CCDC178: variants seen among roughly 807,000 people sequenced by gnomAD.
The protein encoded by CCDC178 is coiled-coil domain-containing protein 178.
A neutral mutation model predicts 117.4 loss-of-function variants in CCDC178; 126 were observed. The ratio of observed to expected loss-of-function variants is 1.07; its 90% CI spans 0.93 to 1.24. CCDC178 has a LOEUF of 1.24. Among genes scored for constraint, CCDC178 ranks in the 50% most tolerant of loss-of-function variants. CCDC178 has a pLI of 0.00. For missense variants in CCDC178, 1,030 were observed against 986.9 expected, an observed-to-expected ratio of 1.04 and a Z score of -0.59; for synonymous variants, 283 against 313.4, an observed-to-expected ratio of 0.90 and a Z score of 1.02.
At chr18:32,984,327 T>C (rs939719993) in intron 21 of CCDC178, among the ~76,000 whole-genome samples, 1 of 151,916 alleles carries the variant, frequency 6.6e-6, no homozygotes, top group Non-Finnish European at 1.5e-5. Flanking sequence ...TACTGAATAG[T>C]TAAAAATCAA....
intron 20 of CCDC178, among the ~76,000 whole-genome samples, chr18:33,109,736 G>A (rs867730843): frequency 0.095 from 14,347 of 151,088 alleles, 865 homozygotes; most frequent in African/African-American, 0.17. Flanking sequence ...ATATTCTCTT[G>A]AGTCGGGTAT....
At chr18:33,226,592 T>C (rs976770777) in intron 16 of CCDC178, among the ~76,000 whole-genome samples, 1 of 152,268 alleles carries the variant, frequency 6.6e-6, no homozygotes, top group African/African-American at 2.4e-5. Flanking sequence ...AAATGAGATA[T>C]GTATATGGGA....
intron 21 of CCDC178, among the ~76,000 whole-genome samples, chr18:33,027,173 A>G (rs73415469): frequency 0.096 from 14,547 of 151,776 alleles, 1,044 homozygotes; most frequent in African/African-American, 0.19. Context: ...GATTTTGACT[A>G]TAAAAAGCCA....
intron 21 of CCDC178, among the ~76,000 whole-genome samples, chr18:33,049,295 C>T (rs2056701556): frequency 4.6e-5 from 7 of 152,152 alleles, no homozygotes; most frequent in Admixed American, 3.3e-4. Context: ...AATAAATCAG[C>T]AATACCCTAT....
chr18:33,146,129 T>A (rs979783818), intron 20 of CCDC178, among the ~76,000 whole-genome samples: 1 of 152,214 alleles, frequency 6.6e-6, no homozygotes, highest in African/African-American at 2.4e-5. Context: ...TATTTGATAA[T>A]GCTACTGCCT....
intron 20 of CCDC178, among the ~76,000 whole-genome samples, chr18:33,108,623 G>T (rs765951499): frequency 1.3e-5 from 2 of 151,360 alleles, no homozygotes; most frequent in Non-Finnish European, 3.0e-5. Context: ...TATTTTAAAG[G>T]TCTATTATTA....
intron 21 of CCDC178, among the ~76,000 whole-genome samples, chr18:33,055,765 A>AACT (rs2056819519): frequency 6.6e-6 from 1 of 151,932 alleles, no homozygotes; most frequent in Non-Finnish European, 1.5e-5. Context: ...ACTCTTATGC[A>AACT]ACTACTATAG....
Position 32,937,945 on chromosome 18 carries a change from T to C in CCDC178, c.*66A>G. ...CAAACAGGTGAATGTCCAATTACAC[T>C]GTTATCTGAACTGTGTGACTTTTCT... On this transcript the variant is annotated 3_prime_UTR_variant, in exon 23 of 23. Transcript: ENST00000383096. The C allele has an allele frequency of 8.1e-7, 1 of 1,235,734 alleles. No individual in the cohort carries two copies. The highest frequency in any genetic ancestry group is 1.2e-6 in the Non-Finnish European group (1 of 839,682). 76.5% of individuals were successfully genotyped at this position (1,235,734 alleles called of 1,614,324 possible). A position where few individuals can be genotyped will look rare whatever the true frequency, so the allele number is the denominator to read the frequency against.
rs543096009 is a variant in CCDC178, at chr18:33,292,966, G to C, written c.1176+193C>G. 3.9e-5 allele frequency among the ~76,000 whole-genome samples: 6 copies of C among 152,152 alleles called. No individual in the cohort carries two copies. The South Asian group carries it at 1.2e-3, about 32-fold the overall frequency. On this transcript the variant is annotated intron_variant, in intron 12 of 22. Transcript: ENST00000383096. The stretch of plus-strand genomic sequence containing the variant: ...GACTTCTGACTTACGAAAAGGTTGA[G>C]ATAATAAATGGGTCCTGTTTCAAGC...
chr18:33,320,030 C>A (rs1361532611), intron 11 of CCDC178, among the ~76,000 whole-genome samples: 4 of 152,194 alleles, frequency 2.6e-5, no homozygotes, highest in South Asian at 4.1e-4. Context: ...AGGCCTTTGA[C>A]AAAATTCAAC....
intron 21 of CCDC178, among the ~76,000 whole-genome samples, chr18:33,037,973 C>A (rs1474585514): frequency 1.3e-5 from 2 of 151,910 alleles, no homozygotes; most frequent in Non-Finnish European, 2.9e-5. Context: ...ATTTGAATTT[C>A]TCTTAATTCT....
chr18:33,382,039 G>T (rs1348250422), intron 5 of CCDC178, among the ~76,000 whole-genome samples: 1 of 152,116 alleles, frequency 6.6e-6, no homozygotes, highest in Non-Finnish European at 1.5e-5. Context: ...ACTATGGGCA[G>T]TAAACTCTAA....
At chr18:33,385,169 T>C (rs2063479570) in intron 5 of CCDC178, among the ~76,000 whole-genome samples, 1 of 152,198 alleles carries the variant, frequency 6.6e-6, no homozygotes, top group Non-Finnish European at 1.5e-5. Flanking sequence ...GAGCTGACTA[T>C]CCTAAATATA....
At chr18:33,303,385 C>T (rs760802375) in intron 11 of CCDC178, among the ~76,000 whole-genome samples, 1 of 152,024 alleles carries the variant, frequency 6.6e-6, no homozygotes, top group Non-Finnish European at 1.5e-5. Flanking sequence ...TTAAGTAGTA[C>T]AGTGCAACTA....
intron 5 of CCDC178, among the ~76,000 whole-genome samples, chr18:33,372,020 T>C (rs1018833320): frequency 1.1e-4 from 17 of 152,126 alleles, no homozygotes; most frequent in Admixed American, 1.1e-3. Flanking sequence ...AGAATAGTAA[T>C]GATTCCTTTT....
chr18:33,276,017 A>G (rs1460131273), intron 12 of CCDC178, among the ~76,000 whole-genome samples: 2 of 95,678 alleles, frequency 2.1e-5, no homozygotes, highest in Non-Finnish European at 4.4e-5. Flanking sequence ...CCCTGTTTCT[A>G]AAGTAAGTGA....
Position 33,208,562 on chromosome 18 carries a change from G to A in CCDC178, c.2238+3334C>T, listed in dbSNP as rs145009107. On this transcript the variant is annotated intron_variant, in intron 20 of 22. Coordinates refer to ENST00000383096, the MANE Select transcript of CCDC178 (RefSeq NM_001105528.4). ...TATAGGGTTTCGGTCATTCAACATTGAGTGCCTTGAATACAGTAATACTCA... is the reference window on the plus strand; with the variant it reads ...TATAGGGTTTCGGTCATTCAACATTAAGTGCCTTGAATACAGTAATACTCA... Among the ~76,000 whole-genome samples the A allele has an allele frequency of 1.2e-3, 190 of 152,112 alleles. 1 individual carries two copies. Among genetic ancestry groups the A allele is most frequent in the African/African-American group, 3.8e-3 (159 of 41,528 alleles).
intron 2 of CCDC178, among the ~76,000 whole-genome samples, chr18:33,421,929 A>AAAAT (rs2064032285): frequency 6.6e-6 from 1 of 152,162 alleles, no homozygotes; most frequent in Admixed American, 6.6e-5. Flanking sequence ...CTCTCTTTTG[A>AAAAT]AAATAATCAC....
At chr18:33,382,037 C>A (rs1236837487) in intron 5 of CCDC178, among the ~76,000 whole-genome samples, 1 of 152,098 alleles carries the variant, frequency 6.6e-6, no homozygotes, top group Non-Finnish European at 1.5e-5. Context: ...TCACTATGGG[C>A]AGTAAACTCT....
Sources: gnomAD v4.1 joint callset for allele counts (sites outside exome capture counted in the v4.1 genomes callset) on GRCh38, gnomAD v4.1.1 for gene constraint, MANE v1.5 for transcripts, NCBI Gene and HGNC (gene_info 2026-07-23, HGNC 2026-07-21) for gene names.